MAP2: variants seen among roughly 807,000 people sequenced by gnomAD.
The protein encoded by MAP2 is microtubule associated protein 2.
In MAP2, 14 loss-of-function variants were observed where a neutral mutation model predicts 137.6. The ratio of observed to expected loss-of-function variants is 0.10; its 90% confidence interval spans 0.07 to 0.16. The LOEUF (loss-of-function observed/expected upper bound fraction) is 0.16, where lower values mean the gene tolerates loss of function less well. Ranked by LOEUF, MAP2 falls within the 10% of genes least tolerant of loss-of-function variation. The probability of loss-of-function intolerance (pLI) is 1.00; values close to 1 mark genes in which losing one functional copy is unlikely to be tolerated. For missense variants in MAP2, 2,088 were observed against 2,191.5 expected (o/e 0.95, Z 0.94); for synonymous variants, 786 against 782.3 (o/e 1.00, Z -0.08).
At chr2:209,690,841 T>C in intron 7 of MAP2, 1 of 1,278,706 alleles carries the variant, frequency 7.8e-7, no homozygotes, top group Non-Finnish European at 1.0e-6. Flanking sequence ...CTTCCTCTGC[T>C]GGGGAAGGTG....
intron 1 of MAP2, among the ~76,000 whole-genome samples, chr2:209,457,041 T>G (rs1335547490): frequency 6.6e-6 from 1 of 152,218 alleles, no homozygotes; most frequent in Non-Finnish European, 1.5e-5. Flanking sequence ...GAGAACCCCA[T>G]TCCACTTATA....
intron 1 of MAP2, among the ~76,000 whole-genome samples, chr2:209,478,467 AAGTT>A (rs1242022170): frequency 6.6e-6 from 1 of 152,238 alleles, no homozygotes; most frequent in Non-Finnish European, 1.5e-5. Context: ...TACTACTGCC[AAGTT>A]GAAAATGTAT....
intron 4 of MAP2, among the ~76,000 whole-genome samples, chr2:209,634,825 G>C (rs1047987183): frequency 3.3e-5 from 5 of 152,060 alleles, no homozygotes; most frequent in Non-Finnish European, 7.4e-5. Flanking sequence ...TGTTAAAATA[G>C]TAAATGTATT....
At chr2:209,711,097 A>G (rs1296659082) in intron 13 of MAP2, among the ~76,000 whole-genome samples, 4 of 152,214 alleles carry the variant, frequency 2.6e-5, no homozygotes, top group African/African-American at 9.6e-5. Context: ...ATATAAAACA[A>G]CATCCTTTTT....
In MAP2 at chr2:209,511,946, G is replaced by T. The variant is rs1301771424; in HGVS notation, c.-172+4305G>T. On this transcript the variant is annotated intron_variant, in intron 2 of 15. Transcript: ENST00000682079. ...GCCCTGATTTTGATCCAGTGCTCCA[G>T]AACAGGGTGGATGTTGTGCTTCTTT... Among the ~76,000 whole-genome samples the T allele has an allele frequency of 2.0e-5, 3 of 152,004 alleles. No homozygotes were observed. The East Asian group carries it at 5.8e-4, about 29-fold the overall frequency.
At chr2:209,628,133 G>T (rs544047393) in intron 4 of MAP2, among the ~76,000 whole-genome samples, 11 of 152,194 alleles carry the variant, frequency 7.2e-5, no homozygotes, top group African/African-American at 2.4e-4. Context: ...TTGGGAGGCC[G>T]AGGCAGACAG....
intron 4 of MAP2, among the ~76,000 whole-genome samples, chr2:209,652,903 AG>A (rs1373793207): frequency 6.6e-6 from 1 of 152,196 alleles, no homozygotes; most frequent in East Asian, 1.9e-4. Context: ...GTTTACAAAA[AG>A]GAATATGTGT....
chr2:209,488,049 C>T (rs879412333), intron 1 of MAP2, among the ~76,000 whole-genome samples: 3 of 152,182 alleles, frequency 2.0e-5, no homozygotes, highest in Admixed American at 1.3e-4. Flanking sequence ...GAGAGACCAG[C>T]GCAGAAGGTG....
chr2:209,710,554 A>G (rs926776121), intron 13 of MAP2: 1 of 257,614 alleles, frequency 3.9e-6, no homozygotes, highest in African/African-American at 2.3e-5. Flanking sequence ...TTAACTTGAG[A>G]TTAAAGTTAT....
intron 2 of MAP2, among the ~76,000 whole-genome samples, chr2:209,567,671 C>T (rs1332030992): frequency 6.7e-6 from 1 of 148,526 alleles, no homozygotes; most frequent in Non-Finnish European, 1.5e-5. Context: ...CTATTAGTAG[C>T]AAAAGGAAAA....
chr2:209,683,051 T>C (rs749930389), intron 7 of MAP2, among the ~76,000 whole-genome samples: 1 of 152,198 alleles, frequency 6.6e-6, no homozygotes, highest in Non-Finnish European at 1.5e-5. Flanking sequence ...TATATGGGAT[T>C]TGGAACAGAA....
intron 5 of MAP2, among the ~76,000 whole-genome samples, chr2:209,673,616 A>T (rs948856454): frequency 6.6e-6 from 1 of 151,864 alleles, no homozygotes; most frequent in African/African-American, 2.4e-5. Context: ...GCCTTTCAAA[A>T]TATCAGATTA....
intron 5 of MAP2, among the ~76,000 whole-genome samples, chr2:209,673,451 C>A (rs2049806868): frequency 6.6e-6 from 1 of 151,582 alleles, no homozygotes; most frequent in Non-Finnish European, 1.5e-5. Flanking sequence ...ACATCAAAAC[C>A]CTGACATTCA....
At chr2:209,505,290 C>A (rs1439544112) in intron 1 of MAP2, among the ~76,000 whole-genome samples, 1 of 152,032 alleles carries the variant, frequency 6.6e-6, no homozygotes, top group African/African-American at 2.4e-5. Flanking sequence ...AACTTAGTAG[C>A]CTTTTGAAAA....
At chr2:209,481,463 A>C (rs1708759176) in intron 1 of MAP2, among the ~76,000 whole-genome samples, 1 of 152,198 alleles carries the variant, frequency 6.6e-6, no homozygotes, top group Non-Finnish European at 1.5e-5. Flanking sequence ...CGGTACACCA[A>C]AGTGCCACTC....
intron 3 of MAP2, among the ~76,000 whole-genome samples, chr2:209,586,370 A>T (rs748085691): frequency 6.6e-6 from 1 of 152,168 alleles, no homozygotes; most frequent in Non-Finnish European, 1.5e-5. Flanking sequence ...GCTTCCTTAT[A>T]AATAAGAGCA....
intron 1 of MAP2, among the ~76,000 whole-genome samples, chr2:209,504,851 A>G (rs1377917385): frequency 6.6e-6 from 1 of 152,042 alleles, no homozygotes. Context: ...TAAAATGAAC[A>G]CATAGGCAGT....
chr2:209,472,456 C>G (rs1019564311), intron 1 of MAP2, among the ~76,000 whole-genome samples: 4 of 152,028 alleles, frequency 2.6e-5, no homozygotes, highest in African/African-American at 9.7e-5. Context: ...TATAGCCAGC[C>G]CTGGGTTATG....
intron 10 of MAP2, 80 bp downstream of exon 10, chr2:209,697,131 T>C: frequency 2.2e-6 from 3 of 1,377,000 alleles, no homozygotes; most frequent in Non-Finnish European, 2.9e-6. Flanking sequence ...TAGCAGCTTC[T>C]TCATTTTGTT....
Sources: allele counts gnomAD v4.1 joint callset (sites outside exome capture counted in the v4.1 genomes callset), GRCh38; gene constraint gnomAD v4.1.1; transcripts MANE v1.5; gene names NCBI Gene and HGNC (gene_info 2026-07-23, HGNC 2026-07-21).